PARM1: variants seen among roughly 807,000 people sequenced by gnomAD.
PARM1 encodes the protein WSC4, cell wall integrity and stress response component 4 homolog.
PARM1 carries 14 observed loss-of-function variants against 24.6 expected under a neutral mutation model. The observed-to-expected ratio is 0.57, with a 90% CI of 0.38 to 0.89. The LOEUF is 0.89. PARM1 is among the 40% of genes least tolerant of loss of function. The pLI, the probability that PARM1 is intolerant of heterozygous loss-of-function variation, is 0.00. For synonymous variants in PARM1, 179 were observed against 156.6 expected, an observed-to-expected ratio of 1.14 and a Z score of -1.07; for missense variants, 362 against 380.4, an observed-to-expected ratio of 0.95 and a Z score of 0.40.
intron 1 of PARM1, among the ~76,000 whole-genome samples, chr4:74,992,421 A>T (rs557191244): frequency 1.3e-5 from 2 of 152,298 alleles, no homozygotes; most frequent in East Asian, 3.9e-4. Context: ...GTGCAGAAAA[A>T]ATATTTGAAG....
chr4:74,977,457 G>A lies in PARM1; in HGVS notation c.44-34968G>A, dbSNP rs188235935. Among the ~76,000 whole-genome samples the A allele has an allele frequency of 4.6e-5, 7 of 152,232 alleles. No homozygotes were observed. The East Asian group carries it at 1.4e-3, about 29-fold the overall frequency. ...ACAAAACCTCTGATAACTATGGGATGGGATTATGTAAAAAGGCTGAACCTA... is the reference window on the plus strand; with the variant it reads ...ACAAAACCTCTGATAACTATGGGATAGGATTATGTAAAAAGGCTGAACCTA... On this transcript the variant is annotated intron_variant, in intron 1 of 3. Transcript: ENST00000307428.
intron 1 of PARM1, among the ~76,000 whole-genome samples, chr4:74,988,391 G>A (rs987824123): frequency 1.3e-5 from 2 of 152,174 alleles, no homozygotes; most frequent in African/African-American, 2.4e-5. Flanking sequence ...TTACATAATG[G>A]TGGGAGAGAT....
At chr4:74,970,267 A>C (rs1722000032) in intron 1 of PARM1, 1 of 152,278 alleles carries the variant, frequency 6.6e-6, no homozygotes, top group South Asian at 2.1e-4. Flanking sequence ...ATTCTCTTCC[A>C]TGCCTAACTT....
intron 2 of PARM1, among the ~76,000 whole-genome samples, chr4:75,016,469 G>T (rs1410775180): frequency 2.6e-5 from 4 of 152,074 alleles, no homozygotes; most frequent in African/African-American, 9.7e-5. Context: ...TGGGTATATT[G>T]CGTGATGCTG....
chr4:75,003,317 T>G (rs557581625), intron 1 of PARM1, among the ~76,000 whole-genome samples: 1 of 142,856 alleles, frequency 7.0e-6, no homozygotes, highest in East Asian at 2.0e-4. Flanking sequence ...ATGTTGCATC[T>G]AAGGAAAAAA....
intron 3 of PARM1, among the ~76,000 whole-genome samples, chr4:75,044,988 C>T (rs1333773270): frequency 6.6e-6 from 1 of 152,184 alleles, no homozygotes; most frequent in Admixed American, 6.5e-5. Context: ...CAGGGTTCCT[C>T]CCACAACATG....
Position 75,049,929 on chromosome 4 carries a change from T to C in PARM1, c.*3682T>C, listed in dbSNP as rs1478468592. On this transcript the variant is annotated 3_prime_UTR_variant, in exon 4 of 4. Coordinates refer to ENST00000307428, the MANE Select transcript of PARM1 (RefSeq NM_015393.4). ...CTTTGATTTTAATAGTGCTAGTTGATATTGGTAATAATGCTAACCAAGAGA... is the reference window on the plus strand; with the variant it reads ...CTTTGATTTTAATAGTGCTAGTTGACATTGGTAATAATGCTAACCAAGAGA... The C allele has an allele frequency of 6.6e-6, 1 of 151,836 alleles. No homozygotes were observed. The highest frequency in any genetic ancestry group is 1.9e-4 in the East Asian group (1 of 5,182). 9.4% of individuals were successfully genotyped at this position (151,836 alleles called of 1,614,324 possible). A position where few individuals can be genotyped will look rare whatever the true frequency, so the allele number is the denominator to read the frequency against.
chr4:74,973,226 TA>T (rs2109766385), intron 1 of PARM1, among the ~76,000 whole-genome samples: 1 of 152,322 alleles, frequency 6.6e-6, no homozygotes, highest in African/African-American at 2.4e-5. Context: ...AAAATCTGAA[TA>T]TTTTCACAGT....
At chr4:74,948,610 AG>A (rs1310838169) in intron 1 of PARM1, among the ~76,000 whole-genome samples, 1 of 152,186 alleles carries the variant, frequency 6.6e-6, no homozygotes, top group African/African-American at 2.4e-5. Flanking sequence ...GCACAGTGAG[AG>A]TCATGGTGAA....
chr4:74,960,718 A>C (rs1035030365), intron 1 of PARM1, among the ~76,000 whole-genome samples: 8 of 152,216 alleles, frequency 5.3e-5, no homozygotes, highest in Non-Finnish European at 1.0e-4. Context: ...TCTACTGTAC[A>C]AAAACTTTAA....
At chr4:75,034,985 C>T (rs1723342469) in intron 3 of PARM1, among the ~76,000 whole-genome samples, 1 of 152,200 alleles carries the variant, frequency 6.6e-6, no homozygotes, top group South Asian at 2.1e-4. Flanking sequence ...AAGTCCTGAA[C>T]TTCAGAAACT....
intron 3 of PARM1, among the ~76,000 whole-genome samples, chr4:75,037,930 T>C (rs1388593313): frequency 6.6e-6 from 1 of 151,826 alleles, no homozygotes; most frequent in African/African-American, 2.4e-5. Context: ...AAGTTTTCTT[T>C]TTTTGAGTCG....
Position 75,012,629 on chromosome 4 carries a change from T to C in PARM1, c.248T>C (p.Ile83Thr), listed in dbSNP as rs752611451. Residue 83 changes from isoleucine to threonine, a missense_variant, in exon 2 of 4, where the codon ATA becomes ACA. Physicochemically the swap from Ile to Thr is moderately conservative, Grantham distance 89. Coordinates refer to ENST00000307428, the MANE Select transcript of PARM1 (RefSeq NM_015393.4). ...PTSLLPKNIS[I>T]ESREEEITSP... The stretch of plus-strand genomic sequence containing the variant: ...TCTCTGCTTCCTAAGAACATTTCCA[T>C]AGAGTCCAGAGAAGAGGAGATCACC... 16 of 1,613,794 alleles carry C rather than the reference T, an allele frequency of 9.9e-6. No individual in the cohort carries two copies. Among genetic ancestry groups the C allele is most frequent in the Admixed American group, 3.3e-5 (2 of 60,000 alleles).
Position 74,937,835 on chromosome 4 carries a change from A to G in PARM1, c.43+4465A>G, listed in dbSNP as rs185014910. On this transcript the variant is annotated intron_variant, in intron 1 of 3. Coordinates refer to ENST00000307428, the MANE Select transcript of PARM1 (RefSeq NM_015393.4). ...TTCCAGCAAACCAATGTGCAAATGA[A>G]GAAAATATTCTGAGCCTACTAAATG... Among the ~76,000 whole-genome samples the G allele has an allele frequency of 8.4e-4, 128 of 152,368 alleles. 2 individuals carry two copies. Among genetic ancestry groups the G allele is most frequent in the African/African-American group, 3.0e-3 (124 of 41,588 alleles).
chr4:75,022,916 CT>C (rs1400690516), intron 2 of PARM1, among the ~76,000 whole-genome samples: 1 of 152,152 alleles, frequency 6.6e-6, no homozygotes, highest in East Asian at 1.9e-4. Context: ...TAGATGCTAA[CT>C]TAATATTGTC....
intron 1 of PARM1, among the ~76,000 whole-genome samples, chr4:74,981,565 T>G (rs1044556193): frequency 6.6e-6 from 1 of 152,082 alleles, no homozygotes; most frequent in Non-Finnish European, 1.5e-5. Flanking sequence ...TGGAAGACAA[T>G]GTAGCTATTC....
At chr4:75,018,326 T>A (rs1297555254) in intron 2 of PARM1, among the ~76,000 whole-genome samples, 1 of 152,240 alleles carries the variant, frequency 6.6e-6, no homozygotes, top group Non-Finnish European at 1.5e-5. Context: ...ACAATTGGTT[T>A]ACTTTCTAGG....
At chr4:75,009,118 G>A (rs1722824089) in intron 1 of PARM1, among the ~76,000 whole-genome samples, 1 of 152,124 alleles carries the variant, frequency 6.6e-6, no homozygotes, top group Admixed American at 6.5e-5. Context: ...GCTGCCAAAA[G>A]ACCACCGTAA....
intron 1 of PARM1, among the ~76,000 whole-genome samples, chr4:74,992,989 G>A (rs1282951004): frequency 2.6e-5 from 4 of 152,152 alleles, no homozygotes; most frequent in Non-Finnish European, 5.9e-5. Context: ...GTAGCAGACA[G>A]CTTCTAAATA....
Sources: gnomAD v4.1 joint callset for allele counts (sites outside exome capture counted in the v4.1 genomes callset) on GRCh38, gnomAD v4.1.1 for gene constraint, MANE v1.5 for transcripts, NCBI Gene and HGNC (gene_info 2026-07-23, HGNC 2026-07-21) for gene names.